CADPS: variants seen among roughly 807,000 people sequenced by gnomAD.
The protein encoded by CADPS is calcium-dependent secretion activator 1.
In CADPS, 57 loss-of-function variants were observed where a neutral mutation model predicts 167.3. That is an observed-to-expected ratio of 0.34 (90% CI 0.28 to 0.42). The LOEUF is 0.42. Among genes scored for constraint, CADPS ranks in the 20% least tolerant of loss-of-function variants. CADPS has a pLI of 1.00. For synonymous variants in CADPS, 676 were observed against 635.3 expected, an observed-to-expected ratio of 1.06 and a Z score of -0.96; for missense variants, 1,414 against 1,738.1, an observed-to-expected ratio of 0.81 and a Z score of 3.32.
chr3:62,695,224 A>G (rs1352017680), intron 3 of CADPS, among the ~76,000 whole-genome samples: 4 of 152,078 alleles, frequency 2.6e-5, no homozygotes, highest in African/African-American at 9.7e-5. Flanking sequence ...TGTTTTCTCA[A>G]TTGTACAAAG....
In CADPS at chr3:62,438,340, A is replaced by T; in HGVS notation, c.3670-129T>A. On this transcript the variant is annotated intron_variant, in intron 27 of 29. Transcript: ENST00000383710. The surrounding 1 kb of genome is among the most constrained non-coding windows in gnomAD (Gnocchi z 4.7). The stretch of plus-strand genomic sequence containing the variant: ...CTTCTGCTGGATCAGCTTTGTAGGC[A>T]TGGGATTGCTGTCCACAGCCTGGGC... The T allele has an allele frequency of 1.5e-6, 1 of 664,000 alleles. No individual in the cohort carries two copies. The allele number at this position is 664,000 out of a possible 1,614,324, so 41.1% of individuals were successfully genotyped here.
At chr3:62,422,752 C>T (rs773391962) in intron 28 of CADPS, among the ~76,000 whole-genome samples, 1 of 152,198 alleles carries the variant, frequency 6.6e-6, no homozygotes, top group Non-Finnish European at 1.5e-5. Flanking sequence ...ACTCACCTCC[C>T]CTTTCCATAA....
chr3:62,822,220 A>C (rs1344466415), intron 1 of CADPS, among the ~76,000 whole-genome samples: 1 of 152,130 alleles, frequency 6.6e-6, no homozygotes, highest in African/African-American at 2.4e-5. Context: ...CTCACACACA[A>C]AGCAGAGGGG....
At chr3:62,659,285 C>A (rs934160257) in intron 4 of CADPS, among the ~76,000 whole-genome samples, 2 of 152,110 alleles carry the variant, frequency 1.3e-5, no homozygotes, top group African/African-American at 4.8e-5. Flanking sequence ...GGTGATTTGT[C>A]TTAATATCTC....
chr3:62,847,356 C>A (rs2077664980), intron 1 of CADPS, among the ~76,000 whole-genome samples: 1 of 129,322 alleles, frequency 7.7e-6, no homozygotes, highest in Non-Finnish European at 1.6e-5. Flanking sequence ...TATACATGTG[C>A]CATGCTGGTG....
intron 1 of CADPS, among the ~76,000 whole-genome samples, chr3:62,784,077 C>T (rs566709107): frequency 1.3e-4 from 20 of 152,216 alleles, no homozygotes; most frequent in Admixed American, 7.2e-4. Flanking sequence ...TACATGATGA[C>T]GCTTATCTTA....
intron 17 of CADPS, among the ~76,000 whole-genome samples, chr3:62,508,294 C>T (rs559338775): frequency 6.6e-6 from 1 of 152,040 alleles, no homozygotes; most frequent in Non-Finnish European, 1.5e-5. Flanking sequence ...TTTTTTTGAA[C>T]CTGGCTTCTT....
intron 17 of CADPS, 48 bp from the exon 18 acceptor site, chr3:62,499,316 C>T: frequency 8.7e-7 from 1 of 1,151,434 alleles, no homozygotes; most frequent in Non-Finnish European, 1.3e-6. Flanking sequence ...TGGCAGGCTA[C>T]TTTTATGGCC....
chr3:62,404,647 A>C (rs1015894187), intron 28 of CADPS: 4 of 151,958 alleles, frequency 2.6e-5, no homozygotes, highest in Non-Finnish European at 1.5e-5. Context: ...CAGAGACCAC[A>C]CTACCCCAAT....
At chr3:62,687,070 T>C (rs1227466921) in intron 3 of CADPS, among the ~76,000 whole-genome samples, 1 of 152,144 alleles carries the variant, frequency 6.6e-6, no homozygotes, top group Non-Finnish European at 1.5e-5. Context: ...GCCACAAGCA[T>C]GGGTTTCTTC....
Position 62,516,081 on chromosome 3 carries a change from G to A in CADPS, c.2559C>T (p.Leu853=), listed in dbSNP as rs886387042. Residue 853 remains leucine (L), a synonymous_variant, in exon 16 of 30, where the codon CTC becomes CTT. Transcript: ENST00000383710. ...EQAALVNYSR[L]SEYAKIEENQ... is the part of the protein sequence containing the mutation. Reference sequence around the variant, plus strand: ...TACCTTCGATTTTGGCATACTCTGAGAGCCGAGAATAGTTGACTAACGCAG... The same window carrying A: ...TACCTTCGATTTTGGCATACTCTGAAAGCCGAGAATAGTTGACTAACGCAG... 3 of 1,613,202 alleles carry A rather than the reference G, an allele frequency of 1.9e-6. No homozygotes were observed. In the Admixed American group the frequency reaches 5.0e-5, roughly 27 times the overall value.
chr3:62,807,263 CT>C (rs1173087995), intron 1 of CADPS, among the ~76,000 whole-genome samples: 498 of 141,000 alleles, frequency 3.5e-3, no homozygotes, highest in African/African-American at 4.6e-3. Context: ...ATCAAATTTC[CT>C]TTTTTTTTTT....
At chr3:62,690,532 T>C (rs2078910861) in intron 3 of CADPS, among the ~76,000 whole-genome samples, 1 of 151,800 alleles carries the variant, frequency 6.6e-6, no homozygotes. Flanking sequence ...AGCAGGTCCA[T>C]TCTCATCTGT....
At chr3:62,570,575 T>A (rs2081100949) in intron 9 of CADPS, among the ~76,000 whole-genome samples, 1 of 152,178 alleles carries the variant, frequency 6.6e-6, no homozygotes, top group Non-Finnish European at 1.5e-5. Context: ...GAGTCTACTC[T>A]CCCCGACTTA....
chr3:62,399,240 A>G lies in CADPS; in HGVS notation c.*166T>C. The G allele has an allele frequency of 1.7e-6, 1 of 604,586 alleles. No individual in the cohort carries two copies. The highest frequency in any genetic ancestry group is 3.0e-5 in the Admixed American group (1 of 33,650). 37.5% of individuals were successfully genotyped at this position (604,586 alleles called of 1,614,324 possible). ...GACATCAGGAAATCAGTGGATATGA[A>G]GGTCATTTGCTAATCTTGGTACCAC... is the stretch of plus-strand genomic sequence containing the variant. On this transcript the variant is annotated 3_prime_UTR_variant, in exon 30 of 30. Coordinates refer to ENST00000383710, the MANE Select transcript of CADPS (RefSeq NM_003716.4). The surrounding 1 kb of genome is among the most constrained non-coding windows in gnomAD (Gnocchi z 5.6).
At chr3:62,861,713 T>C (rs988101359) in intron 1 of CADPS, among the ~76,000 whole-genome samples, 1 of 152,198 alleles carries the variant, frequency 6.6e-6, no homozygotes, top group African/African-American at 2.4e-5. Context: ...CAGTTCTCCA[T>C]TGCCTACAGT....
chr3:62,834,814 T>C lies in CADPS; in HGVS notation c.441+39775A>G, dbSNP rs77664221. Among the ~76,000 whole-genome samples, 953 of 152,272 alleles carry C rather than the reference T, an allele frequency of 6.3e-3. 9 individuals carry two copies. Among genetic ancestry groups the C allele is most frequent in the African/African-American group, 0.022 (911 of 41,570 alleles). On this transcript the variant is annotated intron_variant, in intron 1 of 29. Coordinates refer to ENST00000383710, the MANE Select transcript of CADPS (RefSeq NM_003716.4). ...AGGTCCAGCCAAGTGAAGAGGATGA[T>C]CTAATGCTACAGTAAAGGACTTACT...
intron 28 of CADPS, among the ~76,000 whole-genome samples, chr3:62,434,021 C>T (rs1327258198): frequency 6.6e-6 from 1 of 152,102 alleles, no homozygotes; most frequent in Admixed American, 6.6e-5. Context: ...ATTTCATATC[C>T]ATGTTTTATA....
chr3:62,522,139 A>ATCTG (rs2070795137), intron 13 of CADPS, among the ~76,000 whole-genome samples: 1 of 151,494 alleles, frequency 6.6e-6, no homozygotes, highest in Non-Finnish European at 1.5e-5. Flanking sequence ...CTATCTATCT[A>ATCTG]TCTATCTATC....
Sources: allele counts gnomAD v4.1 joint callset (sites outside exome capture counted in the v4.1 genomes callset), GRCh38; gene constraint gnomAD v4.1.1; non-coding constraint Gnocchi (gnomAD v3.1); transcripts MANE v1.5; gene names NCBI Gene and HGNC (gene_info 2026-07-23, HGNC 2026-07-21).